The following RARG variants were observed in gnomAD, a reference collection of about 807,000 sequenced individuals.
The protein encoded by RARG is RAR-gamma.
In RARG, 17 loss-of-function variants were observed where a neutral mutation model predicts 43.7. The ratio of observed to expected loss-of-function variants is 0.39; its 90% CI spans 0.27 to 0.58. RARG has a LOEUF of 0.58. RARG is among the 20% of genes least tolerant of loss of function. The probability of loss-of-function intolerance (pLI) is 0.57; values close to 1 mark genes in which losing one functional copy is unlikely to be tolerated. For missense variants in RARG, 346 were observed against 598.7 expected, an observed-to-expected ratio of 0.58 and a Z score of 4.40; for synonymous variants, 238 against 236.4, an observed-to-expected ratio of 1.01 and a Z score of -0.06.
chr12:53,215,591 TCATCTTA>T lies in RARG; in HGVS notation c.333+48_333+54del. The T allele has an allele frequency of 6.3e-7, 1 of 1,590,218 alleles. No individual in the cohort carries two copies. The highest frequency in any genetic ancestry group is 2.2e-5 in the East Asian group (1 of 44,612). On this transcript the variant is annotated intron_variant, in intron 4 of 9. Transcript: ENST00000425354. This position sits in a 1 kb window ranked among gnomAD's most constrained non-coding sequence, Gnocchi z 6.4. Reference sequence around the variant, plus strand: ...ACACAGCATCTGTGTGCCTGGTCTCTCATCTTACTAGGGTAACTGGATCCCCCGTCTG... The same window carrying T: ...ACACAGCATCTGTGTGCCTGGTCTCTCTAGGGTAACTGGATCCCCCGTCTG...
rs1262377412 is a variant in RARG, at chr12:53,214,074, G to A, written c.798C>T (p.Ala266=). The A allele has an allele frequency of 6.2e-7, 1 of 1,613,348 alleles. No homozygotes were observed. The highest frequency in any genetic ancestry group is 1.7e-5 in the Admixed American group (1 of 59,972). The stretch of plus-strand genomic sequence containing the variant: ...CCTAACTTACCAGGATATCTAGGCA[G>A]GCAGCTTTGAGCAGAGTGATCTGGT... ...IADQITLLKA[A]CLDILMLRIC... is the part of the protein sequence containing the mutation. The change falls in exon 7 of 10, where the codon GCC becomes GCT. Residue 266 remains alanine (A), a synonymous_variant. Transcript: ENST00000425354.
chr12:53,215,631 C>A lies in RARG; in HGVS notation c.333+15G>T, dbSNP rs1191903635. Reference sequence around the variant, plus strand: ...AACTGGATCCCCCGTCTGCCCACTCCCACCACGTACACACCTTGCAGCCTT... The same window carrying A: ...AACTGGATCCCCCGTCTGCCCACTCACACCACGTACACACCTTGCAGCCTT... On this transcript the variant is annotated intron_variant, in intron 4 of 9. Transcript: ENST00000425354. This position sits in a 1 kb window ranked among gnomAD's most constrained non-coding sequence, Gnocchi z 6.4. 6.2e-7 allele frequency: 1 copy of A among 1,606,868 alleles called. No individual in the cohort carries two copies. Among genetic ancestry groups the A allele is most frequent in the Admixed American group, 1.7e-5 (1 of 59,578 alleles).
intron 3 of RARG, among the ~76,000 whole-genome samples, chr12:53,221,728 C>G (rs1455995149): frequency 2.0e-5 from 3 of 151,264 alleles, no homozygotes; most frequent in Non-Finnish European, 3.0e-5. Context: ...TCCCGGAAAT[C>G]CCCCCCTCCC....
At chr12:53,212,083 C>T (rs376830950) in intron 9 of RARG, among the ~76,000 whole-genome samples, 62 of 152,340 alleles carry the variant, frequency 4.1e-4, no homozygotes, top group African/African-American at 1.4e-3. Context: ...AGGCTTGCTG[C>T]CCATTCATCC....
At chr12:53,212,953 G>A (rs1942645430) in intron 9 of RARG, 132 bp downstream of exon 9, 6 of 1,141,100 alleles carry the variant, frequency 5.3e-6, no homozygotes, top group South Asian at 1.6e-5. Flanking sequence ...CTACTATGTG[G>A]CAGAGCTAGG....
intron 9 of RARG, among the ~76,000 whole-genome samples, chr12:53,212,851 C>A (rs1942642383): frequency 6.6e-6 from 1 of 151,468 alleles, no homozygotes; most frequent in Non-Finnish European, 1.5e-5. Context: ...TGCTTAATAG[C>A]CACATGTGGC....
intron 3 of RARG, among the ~76,000 whole-genome samples, chr12:53,225,654 C>G (rs1943089508): frequency 6.6e-6 from 1 of 152,178 alleles, no homozygotes; most frequent in South Asian, 2.1e-4. Context: ...TTGCTCTTTC[C>G]CCCGCCCTTC....
At position 53,227,263 on chromosome 12, in the gene RARG, C is replaced by T; in HGVS notation, c.184+99G>A. On this transcript the variant is annotated intron_variant, in intron 3 of 9. Transcript: ENST00000425354. The surrounding 1 kb of genome is among the most constrained non-coding windows in gnomAD (Gnocchi z 4.3). Reference sequence around the variant, plus strand: ...CATTAGGCCAAACCCCTGTCCCCTGCCTGCCTTCCTAACTGGGGTGCCAAC... The same window carrying T: ...CATTAGGCCAAACCCCTGTCCCCTGTCTGCCTTCCTAACTGGGGTGCCAAC... The T allele has an allele frequency of 7.7e-7, 1 of 1,302,408 alleles. No homozygotes were observed. Among genetic ancestry groups the T allele is most frequent in the Non-Finnish European group, 1.0e-6 (1 of 959,332 alleles). 80.7% of individuals were successfully genotyped at this position (1,302,408 alleles called of 1,614,324 possible).
chr12:53,229,869 G>A (rs1943190176), intron 2 of RARG: 7 of 859,568 alleles, frequency 8.1e-6, no homozygotes, highest in Non-Finnish European at 9.8e-6. Context: ...AGGTAGGGCA[G>A]TGGGGGTCCC....
Position 53,226,600 on chromosome 12 carries a change from C to T in RARG, c.184+762G>A, listed in dbSNP as rs560023995. 3.3e-5 allele frequency among the ~76,000 whole-genome samples: 5 copies of T among 151,576 alleles called. No individual in the cohort carries two copies. In the South Asian group the frequency reaches 8.4e-4, roughly 25 times the overall value. ...TTGGCCTCCCAAAGTGCTGGGATTA[C>T]AGGCGTGAGCCTTTTTCTTTTTTTT... is the stretch of plus-strand genomic sequence containing the variant. On this transcript the variant is annotated intron_variant, in intron 3 of 9. Coordinates refer to ENST00000425354, the MANE Select transcript of RARG (RefSeq NM_000966.6).
chr12:53,216,841 T>C (rs11170478), intron 3 of RARG, among the ~76,000 whole-genome samples: 2,467 of 129,224 alleles, frequency 0.019, 88 homozygotes, highest in East Asian at 0.13. Context: ...TGTGTGTGTG[T>C]GCGCGCGCGC....
chr12:53,224,618 C>G (rs879745529), intron 3 of RARG, among the ~76,000 whole-genome samples: 4 of 152,098 alleles, frequency 2.6e-5, no homozygotes, highest in Non-Finnish European at 4.4e-5. Context: ...ACTCCTGGAT[C>G]TCTTCGTCTC....
In RARG at chr12:53,213,303, C is replaced by T. The variant is rs1171720319; in HGVS notation, c.1019-60G>A. On this transcript the variant is annotated intron_variant, in intron 8 of 9. Coordinates refer to ENST00000425354, the MANE Select transcript of RARG (RefSeq NM_000966.6). This position sits in a 1 kb window ranked among gnomAD's most constrained non-coding sequence, Gnocchi z 4.7. Reference sequence around the variant, plus strand: ...GGAAGAGATGGGGAAGACACAGTGACAGATGGCTGATCACCAACCGGCGTT... The same window carrying T: ...GGAAGAGATGGGGAAGACACAGTGATAGATGGCTGATCACCAACCGGCGTT... 2 of 1,505,506 alleles carry T rather than the reference C, an allele frequency of 1.3e-6. No homozygotes were observed. Among genetic ancestry groups the T allele is most frequent in the Non-Finnish European group, 1.8e-6 (2 of 1,091,252 alleles). The allele number at this position is 1,505,506 out of a possible 1,614,324, so 93.3% of individuals were successfully genotyped here. A position where few individuals can be genotyped will look rare whatever the true frequency, so the allele number is the denominator to read the frequency against.
chr12:53,219,751 A>G (rs571939445), intron 3 of RARG, among the ~76,000 whole-genome samples: 6 of 152,260 alleles, frequency 3.9e-5, no homozygotes, highest in African/African-American at 1.4e-4. Flanking sequence ...AACACCCACC[A>G]TAAAAACCAC....
rs751040630 is a variant in RARG at position 53,213,500 on chromosome 12, G to A, written c.1014C>T (p.Cys338=). Residue 338 remains cysteine (C), a synonymous_variant, in exon 8 of 10, where the codon TGC becomes TGT. Coordinates refer to ENST00000425354, the MANE Select transcript of RARG (RefSeq NM_000966.6). This position sits in a 1 kb window ranked among gnomAD's most constrained non-coding sequence, Gnocchi z 4.7. ...TGLLSAICLI[C]GDRMDLEEPE... is the part of the protein sequence containing the mutation. ...CGCCAGGGGGCGCCCCCGCACCTCC[G>A]CAGATGAGGCAGATGGCGCTGAGCA... is the stretch of plus-strand genomic sequence containing the variant. 1.4e-5 allele frequency: 22 copies of A among 1,613,182 alleles called. No individual in the cohort carries two copies. Among genetic ancestry groups the A allele is most frequent in the Middle Eastern group, 3.3e-4 (2 of 6,084 alleles).
At chr12:53,216,489 A>G (rs1010534058) in intron 3 of RARG, among the ~76,000 whole-genome samples, 2 of 152,158 alleles carry the variant, frequency 1.3e-5, no homozygotes, top group Non-Finnish European at 2.9e-5. Flanking sequence ...GCCTTGGTTC[A>G]CGCCTGAAGA....
chr12:53,213,142 A>G lies in RARG; in HGVS notation c.1120T>C (p.Tyr374His), dbSNP rs138240233. ...YARRRRPSQP[Y>H]MFPRMLMKIT... ...TTCATTAGCATCCTTGGGAACATGTAGGGCTGGCTGGGCCGCCGGCGCCGG... is the reference window on the plus strand; with the variant it reads ...TTCATTAGCATCCTTGGGAACATGTGGGGCTGGCTGGGCCGCCGGCGCCGG... Residue 374 changes from tyrosine (Y) to histidine (H), a missense_variant, in exon 9 of 10, where the codon TAC (tyrosine) becomes CAC (histidine). This residue lies in a region of RARG where 25 missense variants were observed against 23.0 expected (regional missense o/e 1.09). Coordinates refer to ENST00000425354, the MANE Select transcript of RARG (RefSeq NM_000966.6). This position sits in a 1 kb window ranked among gnomAD's most constrained non-coding sequence, Gnocchi z 4.7. 215 of 1,614,182 alleles carry G rather than the reference A, an allele frequency of 1.3e-4. No individual in the cohort carries two copies. The African/African-American group carries it at 2.4e-3, about 18-fold the overall frequency.
intron 9 of RARG, 92 bp downstream of exon 9, chr12:53,212,992 CT>C: frequency 2.2e-6 from 3 of 1,389,866 alleles, no homozygotes; most frequent in South Asian, 1.5e-5. Context: ...TGGTTCTCAA[CT>C]ACTCTGTTCT....
In RARG at chr12:53,215,405, G is replaced by A. The variant is rs781555330; in HGVS notation, c.363C>T (p.Asn121=). The change falls in exon 5 of 10, where the codon AAC becomes AAT. Residue 121 remains asparagine (N), a synonymous_variant. Coordinates refer to ENST00000425354, the MANE Select transcript of RARG (RefSeq NM_000966.6). This position sits in a 1 kb window ranked among gnomAD's most constrained non-coding sequence, Gnocchi z 6.4. ...TGTCGCGGTGACACGTGTACACCAT[G>A]TTCTTCTGGATGCTTCGGCGAAAGA... ...KGFFRRSIQK[N]MVYTCHRDKN... The A allele has an allele frequency of 1.2e-6, 2 of 1,614,116 alleles. No individual in the cohort carries two copies. The highest frequency in any genetic ancestry group is 1.6e-4 in the Middle Eastern group (1 of 6,062).
Sources: gnomAD v4.1 joint callset for allele counts (sites outside exome capture counted in the v4.1 genomes callset) on GRCh38, gnomAD v4.1.1 for gene constraint, gnomAD v4.1.1 regional missense constraint, Gnocchi (gnomAD v3.1) non-coding constraint, MANE v1.5 for transcripts, NCBI Gene and HGNC (gene_info 2026-07-23, HGNC 2026-07-21) for gene names.